Variants in CTDP1 observed in about 807,000 individuals in gnomAD.
CTDP1 encodes the protein CTD phosphatase 1, also known as RNA polymerase II subunit A C-terminal domain phosphatase.
Under a neutral mutation model 91.8 loss-of-function variants are expected in CTDP1, and 47 were observed. The ratio of observed to expected loss-of-function variants is 0.51; its 90% confidence interval spans 0.41 to 0.65. CTDP1 has a LOEUF of 0.65. CTDP1 is among the 30% of genes least tolerant of loss of function. The pLI, the probability that CTDP1 is intolerant of heterozygous loss-of-function variation, is 0.00. For synonymous variants in CTDP1, 656 were observed against 598.5 expected, an observed-to-expected ratio of 1.10 and a Z score of -1.40; for missense variants, 1,272 against 1,373.7, an observed-to-expected ratio of 0.93 and a Z score of 1.17.
chr18:79,688,089 G>A (rs1032527113), intron 1 of CTDP1, among the ~76,000 whole-genome samples: 1 of 152,212 alleles, frequency 6.6e-6, no homozygotes, highest in East Asian at 1.9e-4. Context: ...AGTAACCGCT[G>A]CCAGAGCCCC....
intron 11 of CTDP1, 46 bp from the exon 12 acceptor site, chr18:79,736,308 CG>C (rs772156159): frequency 3.2e-6 from 5 of 1,548,160 alleles, no homozygotes; most frequent in African/African-American, 2.7e-5. Flanking sequence ...TGCGGAGGAA[CG>C]GGGCCCGGGA....
chr18:79,751,254 G>A (rs888511154), intron 12 of CTDP1, among the ~76,000 whole-genome samples: 1 of 148,206 alleles, frequency 6.7e-6, no homozygotes, highest in Non-Finnish European at 1.5e-5. Flanking sequence ...CGGGGAGGGA[G>A]GGAGGCTGGG....
At chr18:79,689,221 C>A (rs1204665280) in intron 1 of CTDP1, among the ~76,000 whole-genome samples, 2 of 152,124 alleles carry the variant, frequency 1.3e-5, no homozygotes, top group East Asian at 3.8e-4. Context: ...TCAGTTAGAT[C>A]GCAGCTGTGC....
At chr18:79,683,616 G>T in intron 1 of CTDP1, among the ~76,000 whole-genome samples, 1 of 152,248 alleles carries the variant, frequency 6.6e-6, no homozygotes, top group East Asian at 1.9e-4. Context: ...GTTTCAGGGC[G>T]GCTGCCTGAG....
chr18:79,726,424 A>G (rs1836428566), intron 10 of CTDP1, among the ~76,000 whole-genome samples: 1 of 152,152 alleles, frequency 6.6e-6, no homozygotes, highest in African/African-American at 2.4e-5. Flanking sequence ...ATGCTATAAA[A>G]TCATTGTGAA....
intron 8 of CTDP1, 126 bp downstream of exon 8, chr18:79,715,654 C>T: frequency 9.3e-7 from 1 of 1,077,476 alleles, no homozygotes; most frequent in Non-Finnish European, 1.3e-6. Flanking sequence ...GAATCACCAT[C>T]TTTTAAGAAT....
At chr18:79,727,426 T>G (rs1252067276) in intron 10 of CTDP1, among the ~76,000 whole-genome samples, 1 of 148,028 alleles carries the variant, frequency 6.8e-6, no homozygotes, top group Non-Finnish European at 1.5e-5. Context: ...GCAGCGTTCG[T>G]GGGGTGGGAA....
intron 1 of CTDP1, among the ~76,000 whole-genome samples, chr18:79,685,094 GA>G (rs2085465882): frequency 8.6e-5 from 13 of 151,980 alleles, no homozygotes; most frequent in Admixed American, 2.0e-4. Flanking sequence ...GGACGGTGCA[GA>G]TGCCTCGTGG....
At position 79,753,857 on chromosome 18, in the gene CTDP1, G is replaced by C. The variant is rs894280807; in HGVS notation, c.*67G>C. The C allele has an allele frequency of 3.2e-6, 5 of 1,572,384 alleles. No individual in the cohort carries two copies. In the African/African-American group the frequency reaches 5.4e-5, roughly 17 times the overall value. On this transcript the variant is annotated 3_prime_UTR_variant, in exon 13 of 13. Transcript: ENST00000613122. ...GCAGCACTCGGACGTCCCCGGACCA[G>C]CCCTCAGTCTCGGTCCACGCTGCTT...
intron 12 of CTDP1, among the ~76,000 whole-genome samples, chr18:79,746,527 A>G (rs1395473097): frequency 1.3e-5 from 2 of 152,238 alleles, no homozygotes; most frequent in East Asian, 3.8e-4. Flanking sequence ...GTGTTTTCAT[A>G]GCTACACAAA....
chr18:79,681,113 GCTCCTCGTCC>G (rs1357993176), intron 1 of CTDP1: 1 of 152,400 alleles, frequency 6.6e-6, no homozygotes, highest in African/African-American at 2.4e-5. Flanking sequence ...GGCAGCCGCG[GCTCCTCGTCC>G]CTTTGGCTTG....
chr18:79,702,097 T>G (rs2085871863), intron 4 of CTDP1, among the ~76,000 whole-genome samples: 1 of 152,262 alleles, frequency 6.6e-6, no homozygotes, highest in Non-Finnish European at 1.5e-5. Context: ...GCTCCTAGTT[T>G]TGAAAGCAGT....
chr18:79,720,916 A>C (rs192806897), intron 10 of CTDP1, among the ~76,000 whole-genome samples: 36 of 152,266 alleles, frequency 2.4e-4, no homozygotes, highest in Middle Eastern at 3.4e-3. Flanking sequence ...TGCAGTTTTG[A>C]TAATCTGCTG....
chr18:79,712,044 T>C (rs1284072134), intron 6 of CTDP1, among the ~76,000 whole-genome samples: 3 of 59,102 alleles, frequency 5.1e-5, no homozygotes, highest in Non-Finnish European at 1.1e-4. Context: ...AAGAAGAGAA[T>C]CTGAAAGTAT....
chr18:79,755,539 C>T (rs1044824848), downstream of CTDP1: 4 of 152,140 alleles, frequency 2.6e-5, no homozygotes, highest in Non-Finnish European at 2.9e-5. Flanking sequence ...AGTAATGTGC[C>T]GGGGGGTGGG....
In CTDP1 at chr18:79,715,068, C is replaced by T. The variant is rs1263614650; in HGVS notation, c.1608C>T (p.Gly536=). Residue 536 remains glycine, a synonymous_variant, in exon 8 of 13, where the codon GGC becomes GGT. Transcript: ENST00000613122. ...CTGAGCTGGGTGGGCAGGAGGAGGG[C>T]GAGCGGGATGGCCTCTGCGGCCTGG... ...KEPELGGQEE[G]ERDGLCGLGN... 9.3e-6 allele frequency: 15 copies of T among 1,611,850 alleles called. No individual in the cohort carries two copies. The highest frequency in any genetic ancestry group is 8.8e-5 in the South Asian group (8 of 90,714).
intron 1 of CTDP1, among the ~76,000 whole-genome samples, chr18:79,684,245 G>A (rs1417186516): frequency 3.3e-5 from 5 of 152,220 alleles, no homozygotes; most frequent in African/African-American, 9.6e-5. Flanking sequence ...TCACAGTGCC[G>A]AGGAGCAGAC....
chr18:79,753,582 G>A (rs1245404522), intron 12 of CTDP1, 70 bp from the exon 13 acceptor site: 1 of 1,612,552 alleles, frequency 6.2e-7, no homozygotes, highest in Non-Finnish European at 8.5e-7. Context: ...CTTCCCAAAT[G>A]CAGACCAGGC....
At chr18:79,677,410 G>A (rs933160218), upstream of CTDP1, 4 of 152,298 alleles carry the variant, frequency 2.6e-5, no homozygotes, top group African/African-American at 9.6e-5. Flanking sequence ...AGAAAAGGGA[G>A]TGAGGCACAG....
Sources: gnomAD v4.1 joint callset for allele counts (sites outside exome capture counted in the v4.1 genomes callset) on GRCh38, gnomAD v4.1.1 for gene constraint, MANE v1.5 for transcripts, NCBI Gene and HGNC (gene_info 2026-07-23, HGNC 2026-07-21) for gene names.